Variants in KAT2B observed in about 807,000 individuals in gnomAD.
The protein encoded by KAT2B is histone acetyltransferase KAT2B.
KAT2B carries 36 observed loss-of-function variants against 105.9 expected under a neutral mutation model. The ratio of observed to expected loss-of-function variants is 0.34; its 90% CI spans 0.26 to 0.45. The LOEUF is 0.45. Among genes scored for constraint, KAT2B ranks in the 20% least tolerant of loss-of-function variants. The probability of loss-of-function intolerance (pLI) is 1.00; values close to 1 mark genes in which losing one functional copy is unlikely to be tolerated. For missense variants in KAT2B, 820 were observed against 1,021.6 expected (o/e 0.80, Z 2.69); for synonymous variants, 397 against 377.9 (o/e 1.05, Z -0.59).
intron 1 of KAT2B, among the ~76,000 whole-genome samples, chr3:20,041,087 CGCT>C: frequency 6.6e-6 from 1 of 152,180 alleles, no homozygotes; most frequent in Middle Eastern, 3.4e-3. Flanking sequence ...TGTAGGAGCT[CGCT>C]GGAGTCACTT....
Position 20,047,606 on chromosome 3 carries a change from C to CTTTTT in KAT2B, c.303+6841_303+6845dup, listed in dbSNP as rs35457765. ...GAAAGTTTCCTCTTGCCGTGAGTAC[C>CTTTTT]TTTTTTTTTTTTTTTTTTTGAGACG... On this transcript the variant is annotated intron_variant, in intron 1 of 17. Coordinates refer to ENST00000263754, the MANE Select transcript of KAT2B (RefSeq NM_003884.5). 1.4e-4 allele frequency among the ~76,000 whole-genome samples: 17 copies of CTTTTT among 117,852 alleles called. 1 individual carries two copies. Among genetic ancestry groups the CTTTTT allele is most frequent in the Non-Finnish European group, 1.5e-4 (9 of 59,400 alleles). 77.3% of individuals were successfully genotyped at this position (117,852 alleles called of 152,430 possible).
At chr3:20,121,825 T>A (rs1347853278) in intron 8 of KAT2B, among the ~76,000 whole-genome samples, 2 of 146,072 alleles carry the variant, frequency 1.4e-5, no homozygotes, top group Non-Finnish European at 3.0e-5. Flanking sequence ...GTGGGTAGAC[T>A]CATGAACAAG....
At chr3:20,058,417 T>A (rs534587274) in intron 1 of KAT2B, among the ~76,000 whole-genome samples, 3 of 133,142 alleles carry the variant, frequency 2.3e-5, no homozygotes, top group Non-Finnish European at 4.6e-5. Context: ...ATTGCGCCAC[T>A]GCACCGTAGC....
chr3:20,044,488 A>G (rs1697772854), intron 1 of KAT2B, among the ~76,000 whole-genome samples: 2 of 152,046 alleles, frequency 1.3e-5, no homozygotes, highest in Admixed American at 6.6e-5. Flanking sequence ...AGGCCCTTTA[A>G]TTTCTCTTTA....
chr3:20,080,284 G>A (rs1283586804), intron 2 of KAT2B, among the ~76,000 whole-genome samples: 4 of 152,146 alleles, frequency 2.6e-5, no homozygotes, highest in African/African-American at 9.7e-5. Context: ...CCATCAGGCT[G>A]CTCCATGTTC....
intron 2 of KAT2B, among the ~76,000 whole-genome samples, chr3:20,084,900 T>TTTTTG (rs1698586499): frequency 2.0e-5 from 3 of 152,224 alleles, no homozygotes; most frequent in African/African-American, 7.2e-5. Flanking sequence ...AGTAAGCTAC[T>TTTTTG]ATTTCAAAAG....
intron 11 of KAT2B, among the ~76,000 whole-genome samples, chr3:20,135,352 AC>A (rs1382373631): frequency 6.6e-6 from 1 of 151,662 alleles, no homozygotes; most frequent in Non-Finnish European, 1.5e-5. Context: ...ATTAGAAAAA[AC>A]TCCGAAAAAA....
intron 17 of KAT2B, among the ~76,000 whole-genome samples, chr3:20,149,350 G>A (rs1354215109): frequency 6.6e-6 from 1 of 151,756 alleles, no homozygotes; most frequent in Non-Finnish European, 1.5e-5. Flanking sequence ...TAAAAAATTA[G>A]CCAGGTGCAG....
chr3:20,125,777 A>G (rs1380804909), intron 9 of KAT2B, 128 bp from the exon 10 acceptor site: 9 of 717,254 alleles, frequency 1.3e-5, no homozygotes, highest in Admixed American at 1.1e-4. Flanking sequence ...ACACATGTGT[A>G]TTTAGGACTC....
At chr3:20,140,089 C>T in intron 12 of KAT2B, 132 bp from the exon 13 acceptor site, 4 of 556,792 alleles carry the variant, frequency 7.2e-6, no homozygotes, top group East Asian at 5.6e-5. Context: ...TAAGCTAATC[C>T]TCTTCAGAAT....
At chr3:20,096,321 C>A (rs1315261445) in intron 3 of KAT2B, among the ~76,000 whole-genome samples, 1 of 152,094 alleles carries the variant, frequency 6.6e-6, no homozygotes, top group African/African-American at 2.4e-5. Flanking sequence ...ACATCCATTC[C>A]CTACTATAGA....
intron 1 of KAT2B, 123 bp downstream of exon 1, chr3:20,040,903 G>A: frequency 8.3e-7 from 1 of 1,209,840 alleles, no homozygotes. Context: ...GCCTGGGGCC[G>A]CTGCACCGCG....
At chr3:20,127,841 A>G (rs957968027) in intron 11 of KAT2B, among the ~76,000 whole-genome samples, 2 of 152,134 alleles carry the variant, frequency 1.3e-5, no homozygotes, top group Non-Finnish European at 2.9e-5. Context: ...GGAGCATGCA[A>G]CCTAGATCCC....
Position 20,040,812 on chromosome 3 carries a change from G to T in KAT2B, c.303+32G>T, listed in dbSNP as rs368442132. On this transcript the variant is annotated intron_variant, in intron 1 of 17. Coordinates refer to ENST00000263754, the MANE Select transcript of KAT2B (RefSeq NM_003884.5). ...GCTCGCCGCTCTCGGACCGCGGATG[G>T]GTGCTAGGGGCCCAGCCCGCGGGAC... 29 of 1,555,042 alleles carry T rather than the reference G, an allele frequency of 1.9e-5. No homozygotes were observed. The African/African-American group carries it at 2.5e-4, about 14-fold the overall frequency.
chr3:20,119,487 C>A, intron 7 of KAT2B, 111 bp from the exon 8 acceptor site: 1 of 1,078,298 alleles, frequency 9.3e-7, no homozygotes, highest in Middle Eastern at 2.1e-4. Context: ...TTAAAGATGA[C>A]TTATTTTGTG....
intron 3 of KAT2B, 53 bp from the exon 4 acceptor site, chr3:20,099,805 GAGAT>G (rs1698877406): frequency 1.8e-5 from 15 of 840,942 alleles, no homozygotes; most frequent in Admixed American, 9.8e-5. Flanking sequence ...AGAGGAGAGA[GAGAT>G]AGACATACCA....
At chr3:20,140,144 A>G in intron 12 of KAT2B, 77 bp from the exon 13 acceptor site, 2 of 918,150 alleles carry the variant, frequency 2.2e-6, no homozygotes, top group Middle Eastern at 6.6e-4. Flanking sequence ...TTCCTCACAC[A>G]GTGCCTGGAA....
chr3:20,127,272 A>T (rs1471932827), intron 10 of KAT2B, 151 bp from the exon 11 acceptor site: 1 of 668,012 alleles, frequency 1.5e-6, no homozygotes. Flanking sequence ...AGATAAAAGG[A>T]TGGTCTAGCG....
At chr3:20,070,635 A>C (rs1698305897) in intron 1 of KAT2B, among the ~76,000 whole-genome samples, 1 of 151,572 alleles carries the variant, frequency 6.6e-6, no homozygotes, top group Non-Finnish European at 1.5e-5. Flanking sequence ...ACATATATAC[A>C]CACTTCAGAA....
Sources: gnomAD v4.1 joint callset for allele counts (sites outside exome capture counted in the v4.1 genomes callset) on GRCh38, gnomAD v4.1.1 for gene constraint, MANE v1.5 for transcripts, NCBI Gene and HGNC (gene_info 2026-07-23, HGNC 2026-07-21) for gene names.